The following NPSR1 variants were observed in gnomAD, a reference collection of about 807,000 sequenced individuals.
NPSR1 encodes neuropeptide S receptor.
In NPSR1, 48 loss-of-function variants were observed where a neutral mutation model predicts 46.9. The ratio of observed to expected loss-of-function variants is 1.02; its 90% CI spans 0.81 to 1.30. The LOEUF (loss-of-function observed/expected upper bound fraction) is 1.30. Among genes scored for constraint, NPSR1 ranks in the 50% most tolerant of loss-of-function variants. The probability of loss-of-function intolerance (pLI) is 0.00; values close to 1 mark genes in which losing one functional copy is unlikely to be tolerated. For synonymous variants in NPSR1, 176 were observed against 168.1 expected (o/e 1.05, Z -0.36); for missense variants, 450 against 449.5 (o/e 1.00, Z -0.01).
At chr7:34,818,078 C>A (rs1160107152) in intron 4 of NPSR1, among the ~76,000 whole-genome samples, 1 of 150,128 alleles carries the variant, frequency 6.7e-6, no homozygotes, top group African/African-American at 2.4e-5. Flanking sequence ...GGCAATCAGG[C>A]AAAAGGAAGC....
Position 34,834,446 on chromosome 7 carries a change from T to C in NPSR1, c.743T>C (p.Ile248Thr). 6.2e-7 allele frequency: 1 copy of C among 1,611,636 alleles called. No individual in the cohort carries two copies. Among genetic ancestry groups the C allele is most frequent in the Non-Finnish European group, 8.5e-7 (1 of 1,177,760 alleles). The change falls in exon 6 of 9, where the codon ATT (isoleucine) becomes ACT (threonine). Residue 248 changes from isoleucine (I) to threonine (T), a missense_variant. Coordinates refer to ENST00000360581, the MANE Select transcript of NPSR1 (RefSeq NM_207172.2). ...AAAAGCAAAACCTACGAAACAGTGA[T>C]TTCCAACTGCTCAGGTAAGTCTCTA... is the stretch of plus-strand genomic sequence containing the variant. ...WIKSKTYETVISNCSDGKLCS... is the reference protein window; with the variant it reads ...WIKSKTYETVTSNCSDGKLCS...
chr7:34,835,219 C>T (rs1196319319), intron 6 of NPSR1, among the ~76,000 whole-genome samples: 3 of 152,158 alleles, frequency 2.0e-5, no homozygotes, highest in African/African-American at 7.2e-5. Flanking sequence ...GCTCAGCTTC[C>T]ACACCCCTCC....
At chr7:34,682,866 T>C (rs970633793) in intron 1 of NPSR1, among the ~76,000 whole-genome samples, 14 of 152,184 alleles carry the variant, frequency 9.2e-5, no homozygotes, top group African/African-American at 3.1e-4. Context: ...AAAAAGTGTG[T>C]GGCTTGAAGC....
intron 3 of NPSR1, among the ~76,000 whole-genome samples, chr7:34,791,331 C>A (rs1787869794): frequency 7.0e-6 from 1 of 142,112 alleles, no homozygotes; most frequent in African/African-American, 2.6e-5. Context: ...ACACAAAACA[C>A]CACCAAAAAC....
chr7:34,829,815 A>G (rs563887723), intron 5 of NPSR1, among the ~76,000 whole-genome samples: 1 of 152,346 alleles, frequency 6.6e-6, no homozygotes, highest in South Asian at 2.1e-4. Flanking sequence ...AAATGATTTC[A>G]AAAACTGGTT....
chr7:34,778,380 T>C, intron 2 of NPSR1, 82 bp from the exon 3 acceptor site: 1 of 782,862 alleles, frequency 1.3e-6, no homozygotes, highest in South Asian at 1.9e-5. Context: ...CAGGATTTCA[T>C]TTCTATTGTG....
chr7:34,862,418 G>A (rs1290693742), intron 8 of NPSR1, among the ~76,000 whole-genome samples: 1 of 151,750 alleles, frequency 6.6e-6, no homozygotes, highest in Non-Finnish European at 1.5e-5. Flanking sequence ...TGTTCCTCCA[G>A]TCTTAGGAAT....
At chr7:34,790,869 TTA>T (rs1177041054) in intron 3 of NPSR1, among the ~76,000 whole-genome samples, 17 of 129,536 alleles carry the variant, frequency 1.3e-4, no homozygotes, top group Admixed American at 1.0e-3. Flanking sequence ...GTTATATATG[TTA>T]TATGTTATAT....
intron 2 of NPSR1, among the ~76,000 whole-genome samples, chr7:34,740,013 A>C (rs958665069): frequency 6.6e-6 from 1 of 152,126 alleles, no homozygotes; most frequent in Non-Finnish European, 1.5e-5. Flanking sequence ...TGAGTAGGAA[A>C]GAACCATTAG....
intron 2 of NPSR1, among the ~76,000 whole-genome samples, chr7:34,754,342 G>A (rs1244001843): frequency 6.6e-6 from 1 of 152,164 alleles, no homozygotes; most frequent in Non-Finnish European, 1.5e-5. Context: ...AAAAAGAACT[G>A]AGTGACTAAC....
At chr7:34,817,867 G>A (rs1021140239) in intron 4 of NPSR1, among the ~76,000 whole-genome samples, 1 of 151,928 alleles carries the variant, frequency 6.6e-6, no homozygotes, top group African/African-American at 2.4e-5. Flanking sequence ...AAAATCCAAC[G>A]CCCTTCATGC....
chr7:34,729,167 A>G (rs1784303497), intron 2 of NPSR1, among the ~76,000 whole-genome samples: 1 of 152,090 alleles, frequency 6.6e-6, no homozygotes, highest in South Asian at 2.1e-4. Flanking sequence ...GAACCTCACA[A>G]AGGGTACTTG....
chr7:34,791,100 TATAATATGTTATATAATATAA>T (rs1787819976), intron 3 of NPSR1, among the ~76,000 whole-genome samples: 4 of 117,086 alleles, frequency 3.4e-5, no homozygotes, highest in South Asian at 2.4e-4. Context: ...ATATATTATA[TATAATATGTTATATAATATAA>T]TATATATGTT....
chr7:34,862,113 G>C (rs1791203008), intron 8 of NPSR1, among the ~76,000 whole-genome samples: 1 of 151,722 alleles, frequency 6.6e-6, no homozygotes, highest in Non-Finnish European at 1.5e-5. Context: ...TCTCTTGATG[G>C]TGGGGTGAGT....
intron 2 of NPSR1, chr7:34,703,897 T>TAC (rs368106322): frequency 0.38 from 57,540 of 152,024 alleles, 11,444 homozygotes; most frequent in African/African-American, 0.49. Context: ...CCGATGAGTG[T>TAC]TCAACAAAGA....
intron 2 of NPSR1, chr7:34,719,529 T>C (rs980171221): frequency 3.3e-5 from 5 of 152,222 alleles, no homozygotes; most frequent in African/African-American, 9.6e-5. Context: ...TAGAAAATGA[T>C]GACATGCTGT....
intron 1 of NPSR1, chr7:34,660,107 G>C: frequency 2.2e-6 from 1 of 456,680 alleles, no homozygotes; most frequent in South Asian, 1.5e-5. Flanking sequence ...ATGAGTGTTT[G>C]TCCTCTCTAT....
At chr7:34,851,296 T>A (rs6964821), downstream of NPSR1, among the ~76,000 whole-genome samples, 42,867 of 149,548 alleles carry the variant, frequency 0.29, 6,438 homozygotes, top group Middle Eastern at 0.36. Flanking sequence ...GTGTTTAAGG[T>A]CATGTGGGCT....
At chr7:34,754,379 A>C (rs17788770) in intron 2 of NPSR1, among the ~76,000 whole-genome samples, 11,431 of 152,182 alleles carry the variant, frequency 0.075, 563 homozygotes, top group Non-Finnish European at 0.11. Context: ...TGCCTTTCTT[A>C]ATTTTAGTTT....
Sources: allele counts gnomAD v4.1 joint callset (sites outside exome capture counted in the v4.1 genomes callset), GRCh38; gene constraint gnomAD v4.1.1; transcripts MANE v1.5; gene names NCBI Gene and HGNC (gene_info 2026-07-23, HGNC 2026-07-21).